The following PLPP5 variants were observed in gnomAD, a reference collection of about 807,000 sequenced individuals.
The protein encoded by PLPP5 is diacylglycerol pyrophosphate like 1.
In PLPP5, 29 loss-of-function variants were observed where a neutral mutation model predicts 23.6. The ratio of observed to expected loss-of-function variants is 1.23; its 90% confidence interval spans 0.92 to 1.68. PLPP5 has a LOEUF of 1.68. Ranked by LOEUF, PLPP5 falls within the 40% of genes most tolerant of loss-of-function variation. The probability of loss-of-function intolerance (pLI) is 0.00; values close to 1 mark genes in which losing one functional copy is unlikely to be tolerated. For missense variants in PLPP5, 315 were observed against 332.1 expected (o/e 0.95, Z 0.40); for synonymous variants, 143 against 131.3 (o/e 1.09, Z -0.61).
chr8:38,267,106 T>C, intron 5 of PLPP5, 161 bp downstream of exon 5: 1 of 1,480,084 alleles, frequency 6.8e-7, no homozygotes. Context: ...ACCCAAATAG[T>C]CAAGGCTCAG....
intron 4 of PLPP5, chr8:38,267,593 A>G: frequency 1.5e-6 from 1 of 665,776 alleles, no homozygotes; most frequent in Non-Finnish European, 2.5e-6. Flanking sequence ...CGCCCATTCC[A>G]GCACATGATT....
Position 38,269,134 on chromosome 8 carries a change from C to G in PLPP5, c.66G>C (p.Ala22=). 6.6e-7 allele frequency: 1 copy of G among 1,520,000 alleles called. No individual in the cohort carries two copies. 94.2% of individuals were successfully genotyped at this position (1,520,000 alleles called of 1,614,324 possible). The change falls in exon 1 of 7, where the codon GCG becomes GCC. Residue 22 remains alanine (A), a synonymous_variant. Transcript: ENST00000424479. ...AEVGVRLALF[A]AFLVTELLPP... The stretch of plus-strand genomic sequence containing the variant: ...CCGTGGATCTTTCTTACAGGAAGGC[C>G]GCGAACAGCGCGAGCCGCACGCCCA...
chr8:38,267,896 C>A lies in PLPP5; in HGVS notation c.338+1G>T, dbSNP rs773131036. On this transcript the variant is annotated splice_donor_variant, in intron 4 of 6. Coordinates refer to ENST00000424479, the MANE Select transcript of PLPP5 (RefSeq NM_001102559.2). LOFTEE classifies it high-confidence loss of function. The stretch of plus-strand genomic sequence containing the variant: ...TGGGGTGGTTAGCTGTTGTCACTTA[C>A]CTCCCTACGATCAGTTTTATTGTGT... The A allele has an allele frequency of 1.2e-6, 2 of 1,614,000 alleles. No homozygotes were observed. Among genetic ancestry groups the A allele is most frequent in the East Asian group, 2.2e-5 (1 of 44,880 alleles).
In PLPP5 at chr8:38,268,418, T is replaced by C; in HGVS notation, c.227A>G (p.Lys76Arg). 1 of 1,578,378 alleles carries C rather than the reference T, an allele frequency of 6.3e-7. No homozygotes were observed. Among genetic ancestry groups the C allele is most frequent in the Non-Finnish European group, 8.6e-7 (1 of 1,161,958 alleles). ...LSPLSLIFLA[K>R]FLKKADTRDS... The stretch of plus-strand genomic sequence containing the variant: ...TCTTGTGTCTGCCTTCTTGAGAAAT[T>C]TGGCCAGGAAGATCAGAGACAGTGG... The change falls in exon 3 of 7, where the codon AAA (lysine) becomes AGA (arginine). Residue 76 changes from lysine (K) to arginine (R), a missense_variant. Transcript: ENST00000424479.
At position 38,268,419 on chromosome 8, in the gene PLPP5, T is replaced by G. The variant is rs537134209; in HGVS notation, c.226A>C (p.Lys76Gln). ...CTTGTGTCTGCCTTCTTGAGAAATT[T>G]GGCCAGGAAGATCAGAGACAGTGGA... ...LSPLSLIFLA[K>Q]FLKKADTRDS... Residue 76 changes from lysine to glutamine, a missense_variant, in exon 3 of 7, where the codon AAA becomes CAA. Coordinates refer to ENST00000424479, the MANE Select transcript of PLPP5 (RefSeq NM_001102559.2). The G allele has an allele frequency of 5.7e-6, 9 of 1,578,190 alleles. No individual in the cohort carries two copies. The South Asian group carries it at 9.3e-5, about 16-fold the overall frequency.
At chr8:38,267,650 T>C (rs1244712776) in intron 4 of PLPP5, 1 of 620,222 alleles carries the variant, frequency 1.6e-6, no homozygotes, top group African/African-American at 1.8e-5. Context: ...CAGGAGGTGC[T>C]CAAGAGGACA....
Position 38,266,309 on chromosome 8 carries a change from CAACTGGAACAAGAAAAACTTTT to C in PLPP5, c.464-20_465del. 1 of 1,610,176 alleles carries C rather than the reference CAACTGGAACAAGAAAAACTTTT, an allele frequency of 6.2e-7. No individual in the cohort carries two copies. The highest frequency in any genetic ancestry group is 8.5e-7 in the Non-Finnish European group (1 of 1,177,938). On this transcript the variant is annotated splice_acceptor_variant and splice_polypyrimidine_tract_variant and coding_sequence_variant and intron_variant, in exon 6 of 7. Coordinates refer to ENST00000424479, the MANE Select transcript of PLPP5 (RefSeq NM_001102559.2). LOFTEE classifies it high-confidence loss of function. Reference sequence around the variant, plus strand: ...GACGCAAAGGCCAGACCAGCAAATGCAACTGGAACAAGAAAAACTTTTAAGTGGTTTGTCTTTTAAAGGAAGC... The same window carrying C: ...GACGCAAAGGCCAGACCAGCAAATGCAAGTGGTTTGTCTTTTAAAGGAAGC...
At chr8:38,266,567 A>AT (rs1360596189) in intron 5 of PLPP5, 4 of 315,476 alleles carry the variant, frequency 1.3e-5, no homozygotes, top group Non-Finnish European at 1.2e-5. Flanking sequence ...TGCCCAGCTA[A>AT]TTTTTTTATT....
At chr8:38,264,796 C>T (rs892472941) in intron 6 of PLPP5, 192 bp from the exon 7 acceptor site, 4 of 1,517,580 alleles carry the variant, frequency 2.6e-6, no homozygotes, top group African/African-American at 1.4e-5. Flanking sequence ...TTATCATTGT[C>T]AGGTTGCTTT....
chr8:38,269,097 G>A, intron 1 of PLPP5, 29 bp downstream of exon 1: 1 of 1,526,454 alleles, frequency 6.6e-7, no homozygotes, highest in East Asian at 2.6e-5. Context: ...AAGCGGGGCC[G>A]CCCGGGCCCG....
chr8:38,265,121 C>G, intron 6 of PLPP5: 1 of 574,432 alleles, frequency 1.7e-6, no homozygotes, highest in Non-Finnish European at 3.1e-6. Context: ...CAAAAATTAG[C>G]CGGGCGTGGT....
intron 2 of PLPP5, 167 bp downstream of exon 2, chr8:38,268,715 T>A: frequency 1.4e-6 from 2 of 1,432,464 alleles, no homozygotes; most frequent in Non-Finnish European, 1.8e-6. Flanking sequence ...CACCCTCCTC[T>A]CTCAATCAGG....
In PLPP5 at chr8:38,268,970, G is replaced by T. The variant is rs1412951462; in HGVS notation, c.95C>A (p.Pro32Gln). 3.3e-5 allele frequency: 51 copies of T among 1,568,338 alleles called. No homozygotes were observed. Among genetic ancestry groups the T allele is most frequent in the Non-Finnish European group, 4.1e-5 (48 of 1,163,010 alleles). The change falls in exon 2 of 7, where the codon CCG becomes CAG. Residue 32 changes from proline (P) to glutamine (Q), a missense_variant. Physicochemically the swap from Pro to Gln is moderately conservative, Grantham distance 76. Transcript: ENST00000424479. ...CTCCGGCTGGATGAGTCTCTGGAAC[G>T]GGGGGAGCAGCTCCGTCACCCTAGA... ...AAFLVTELLP[P>Q]FQRLIQPEEM...
intron 4 of PLPP5, 147 bp from the exon 5 acceptor site, chr8:38,267,538 T>TA: frequency 1.1e-6 from 1 of 920,906 alleles, no homozygotes; most frequent in Non-Finnish European, 1.6e-6. Flanking sequence ...GTCACCACAC[T>TA]AAGAGAAAAG....
intron 3 of PLPP5, 107 bp downstream of exon 3, chr8:38,268,264 G>T: frequency 1.8e-6 from 2 of 1,132,106 alleles, no homozygotes; most frequent in Non-Finnish European, 2.5e-6. Context: ...GTTCCTTTAG[G>T]AATGCAGAAC....
At position 38,263,747 on chromosome 8, in the gene PLPP5, T is replaced by C. The variant is rs1286931609; in HGVS notation, c.*697A>G. Reference sequence around the variant, plus strand: ...CTAGATTTTAAGATTTTGAGCTATATGAAATGGAAATTAAGTTTTGATAAT... The same window carrying C: ...CTAGATTTTAAGATTTTGAGCTATACGAAATGGAAATTAAGTTTTGATAAT... On this transcript the variant is annotated 3_prime_UTR_variant, in exon 7 of 7. Coordinates refer to ENST00000424479, the MANE Select transcript of PLPP5 (RefSeq NM_001102559.2). 2.0e-6 allele frequency: 2 copies of C among 985,290 alleles called. No individual in the cohort carries two copies. Among genetic ancestry groups the C allele is most frequent in the African/African-American group, 3.5e-5 (2 of 57,238 alleles). The allele number at this position is 985,290 out of a possible 1,614,324, so 61.0% of individuals were successfully genotyped here.
At chr8:38,268,334 A>G in intron 3 of PLPP5, 37 bp downstream of exon 3, 1 of 1,528,158 alleles carries the variant, frequency 6.5e-7, no homozygotes, top group Non-Finnish European at 8.9e-7. Flanking sequence ...CTAGGTTCCC[A>G]GCACGAAGAA....
At chr8:38,267,557 G>T in intron 4 of PLPP5, 166 bp from the exon 5 acceptor site, 1 of 759,002 alleles carries the variant, frequency 1.3e-6, no homozygotes, top group Non-Finnish European at 2.0e-6. Context: ...AGCCTTTCAA[G>T]GTGAGCATTT....
chr8:38,265,101 A>C, intron 6 of PLPP5: 1 of 615,440 alleles, frequency 1.6e-6, no homozygotes, highest in Non-Finnish European at 2.9e-6. Flanking sequence ...CCCTGTCTCT[A>C]CTAAAAATAC....
Sources: allele counts gnomAD v4.1 joint callset, GRCh38; gene constraint gnomAD v4.1.1; transcripts MANE v1.5; gene names NCBI Gene and HGNC (gene_info 2026-07-23, HGNC 2026-07-21).